The following HDAC8 variants were observed in gnomAD, a reference collection of about 807,000 sequenced individuals.
HDAC8 encodes histone deacetylase-like 1.
Under a neutral mutation model 32.2 loss-of-function variants are expected in HDAC8, and 1 was observed. The ratio of observed to expected loss-of-function variants is 0.03; its 90% CI spans 0.01 to 0.15. The LOEUF (loss-of-function observed/expected upper bound fraction) is 0.15, where lower values mean the gene tolerates loss of function less well. HDAC8 is among the 10% of genes least tolerant of loss of function. HDAC8 has a pLI of 1.00. For synonymous variants in HDAC8, 108 were observed against 113.9 expected, an observed-to-expected ratio of 0.95 and a Z score of 0.33; for missense variants, 117 against 300.0, an observed-to-expected ratio of 0.39 and a Z score of 4.51.
chrX:72,543,764 G>A (rs1454202602), intron 4 of HDAC8, among the ~76,000 whole-genome samples: 5 of 112,487 alleles, frequency 4.4e-5, no homozygotes, highest in Non-Finnish European at 9.4e-5. Context: ...GTCTGATTCC[G>A]GAATCATCAT....
chrX:72,410,904 G>T (rs1403178584), intron 9 of HDAC8, among the ~76,000 whole-genome samples: 1 of 111,481 alleles, frequency 9.0e-6, no homozygotes, highest in Admixed American at 9.5e-5. Flanking sequence ...CCCACATGAT[G>T]AGGCTCTTGC....
intron 7 of HDAC8, chrX:72,473,717 T>C (rs952708263): frequency 1.3e-6 from 1 of 754,362 alleles, no homozygotes; most frequent in Middle Eastern, 7.6e-4. Flanking sequence ...TCAGCCACTT[T>C]ACCCACATTA....
chrX:72,486,844 T>A (rs993926158), intron 7 of HDAC8, among the ~76,000 whole-genome samples: 1 of 112,165 alleles, frequency 8.9e-6, no homozygotes, highest in Non-Finnish European at 1.9e-5. Context: ...ATAGGAGAGA[T>A]GTTTGGGCCA....
At chrX:72,500,733 T>A (rs1467776872) in intron 4 of HDAC8, among the ~76,000 whole-genome samples, 1 of 111,966 alleles carries the variant, frequency 8.9e-6, no homozygotes, top group Non-Finnish European at 1.9e-5. Context: ...ATGCTCTCTC[T>A]CACAACTCCT....
chrX:72,447,972 A>T (rs192126683), intron 9 of HDAC8, among the ~76,000 whole-genome samples: 1 of 112,301 alleles, frequency 8.9e-6, no homozygotes, highest in East Asian at 2.8e-4. Context: ...ATGTTCATGG[A>T]TAGGAAGGAT....
At chrX:72,533,540 C>A (rs782286976) in intron 4 of HDAC8, among the ~76,000 whole-genome samples, 1 of 111,529 alleles carries the variant, frequency 9.0e-6, no homozygotes, top group Non-Finnish European at 1.9e-5. Context: ...TACCCCGATA[C>A]CAAAATCAGA....
intron 9 of HDAC8, among the ~76,000 whole-genome samples, chrX:72,356,694 C>T (rs1235541423): frequency 9.0e-6 from 1 of 111,258 alleles, no homozygotes; most frequent in Non-Finnish European, 1.9e-5. Context: ...ATTCTCCTGC[C>T]TCAGCCACCC....
At chrX:72,519,287 T>C (rs1556027181) in intron 4 of HDAC8, among the ~76,000 whole-genome samples, 1 of 112,226 alleles carries the variant, frequency 8.9e-6, no homozygotes, top group African/African-American at 3.2e-5. Flanking sequence ...CAAGTCTTTG[T>C]GCAGAGGTAT....
At chrX:72,417,341 C>T (rs2046372660) in intron 9 of HDAC8, among the ~76,000 whole-genome samples, 1 of 111,789 alleles carries the variant, frequency 8.9e-6, no homozygotes, top group African/African-American at 3.2e-5. Context: ...ATGCCACAGT[C>T]TCTGCTCAAA....
At chrX:72,355,277 C>G (rs782003656) in intron 9 of HDAC8, among the ~76,000 whole-genome samples, 2 of 111,783 alleles carry the variant, frequency 1.8e-5, no homozygotes, top group African/African-American at 3.3e-5. Flanking sequence ...CCTCCAGCCC[C>G]GAAGAGGAAA....
chrX:72,487,220 C>T (rs782248941), intron 7 of HDAC8, among the ~76,000 whole-genome samples: 2 of 111,824 alleles, frequency 1.8e-5, no homozygotes, highest in East Asian at 2.8e-4. Context: ...GCTAAACTTA[C>T]TTTAAAAATG....
chrX:72,543,602 G>T (rs191861847), intron 4 of HDAC8, among the ~76,000 whole-genome samples: 1 of 112,007 alleles, frequency 8.9e-6, no homozygotes, highest in African/African-American at 3.2e-5. Context: ...TACTTCAACT[G>T]TAGAAATCAT....
At chrX:72,402,429 T>TAAG (rs1491285566) in intron 9 of HDAC8, among the ~76,000 whole-genome samples, 1 of 102,984 alleles carries the variant, frequency 9.7e-6, no homozygotes, top group Non-Finnish European at 1.9e-5. Context: ...TTTTTTTTTT[T>TAAG]AAGTTTCTTA....
intron 9 of HDAC8, among the ~76,000 whole-genome samples, chrX:72,409,944 T>A (rs1312809347): frequency 1.8e-5 from 2 of 112,509 alleles, no homozygotes; most frequent in African/African-American, 3.2e-5. Context: ...CTTGTTGAAA[T>A]AATGAATTAA....
intron 9 of HDAC8, among the ~76,000 whole-genome samples, chrX:72,426,336 C>T (rs1456941990): frequency 8.9e-6 from 1 of 111,843 alleles, no homozygotes. Context: ...AAGGTGTTTA[C>T]TCATCCAGCA....
chrX:72,401,068 C>G (rs2045887600), intron 9 of HDAC8, among the ~76,000 whole-genome samples: 1 of 111,833 alleles, frequency 8.9e-6, no homozygotes, highest in African/African-American at 3.2e-5. Context: ...TTTGTGTGAA[C>G]ATATGTTTTC....
In HDAC8 at chrX:72,556,075, G is replaced by A. The variant is rs782156911; in HGVS notation, c.437+11814C>T. ...TTCTCAGCAGAAACCTTACAAGCTG[G>A]AAGGGATTGGGGTCCTATTTTTAGC... On this transcript the variant is annotated intron_variant, in intron 4 of 10. Transcript: ENST00000373573. Among the ~76,000 whole-genome samples, 38 of 111,898 alleles carry A rather than the reference G, an allele frequency of 3.4e-4. 1 individual carries two copies. Among genetic ancestry groups the A allele is most frequent in the Admixed American group, 9.5e-5 (1 of 10,565 alleles).
chrX:72,386,178 A>G (rs1489655045), intron 9 of HDAC8, among the ~76,000 whole-genome samples: 1 of 112,223 alleles, frequency 8.9e-6, no homozygotes, highest in Non-Finnish European at 1.9e-5. Context: ...CTTAGAAACA[A>G]CATTGAATGT....
At chrX:72,332,647 T>A (rs1485855646) in intron 10 of HDAC8, among the ~76,000 whole-genome samples, 3 of 108,697 alleles carry the variant, frequency 2.8e-5, no homozygotes, top group Admixed American at 9.9e-5. Flanking sequence ...GTTCTTTATA[T>A]ATATTTTTTA....
Sources: allele counts gnomAD v4.1 joint callset (sites outside exome capture counted in the v4.1 genomes callset), GRCh38; gene constraint gnomAD v4.1.1; transcripts MANE v1.5; gene names NCBI Gene and HGNC (gene_info 2026-07-23, HGNC 2026-07-21).